PRSS54: variants seen among roughly 807,000 people sequenced by gnomAD.
The protein encoded by PRSS54 is serine protease 54.
A neutral mutation model predicts 19.9 loss-of-function variants in PRSS54; 16 were observed. That is an observed-to-expected ratio of 0.80 (90% CI 0.54 to 1.22). The LOEUF is 1.22. Among genes scored for constraint, PRSS54 ranks in the 50% most tolerant of loss-of-function variants. PRSS54 has a pLI of 0.00. For missense variants in PRSS54, 444 were observed against 494.8 expected (o/e 0.90, Z 0.97); for synonymous variants, 177 against 195.8 (o/e 0.90, Z 0.80).
At chr16:58,285,867 A>G in intron 5 of PRSS54, 70 bp downstream of exon 5, 1 of 1,569,280 alleles carries the variant, frequency 6.4e-7, no homozygotes, top group Non-Finnish European at 8.7e-7. Flanking sequence ...TAGGCCCTAG[A>G]TTGGATTATC....
At position 58,284,700 on chromosome 16, in the gene PRSS54, T is replaced by C. The variant is rs3815803; in HGVS notation, c.544A>G (p.Ser182Gly). The change falls in exon 6 of 7, where the codon AGT becomes GGT. Residue 182 changes from serine (S) to glycine (G), a missense_variant. Coordinates refer to ENST00000567164, the MANE Select transcript of PRSS54 (RefSeq NM_001305173.2). Reference sequence around the variant, plus strand: ...TTCACGAAGATTTTCCTCAGGACACTCATCGTCATGTGATTTCCTGTCTGG... The same window carrying C: ...TTCACGAAGATTTTCCTCAGGACACCCATCGTCATGTGATTTCCTGTCTGG... ...TSATGNHMTM[S>G]VLRKIFVKDL... 0.55 allele frequency: 886,509 copies of C among 1,613,478 alleles called. 247,935 individuals carry two copies. Among genetic ancestry groups the C allele is most frequent in the African/African-American group, 0.75 (55,896 of 74,958 alleles).
chr16:58,287,989 T>A (rs566983279), intron 4 of PRSS54, among the ~76,000 whole-genome samples: 6 of 152,364 alleles, frequency 3.9e-5, no homozygotes, highest in African/African-American at 1.4e-4. Flanking sequence ...ATGAACTTTT[T>A]AATTTACCTG....
At chr16:58,286,430 A>G (rs956258918) in intron 4 of PRSS54, among the ~76,000 whole-genome samples, 1 of 151,476 alleles carries the variant, frequency 6.6e-6, no homozygotes, top group African/African-American at 2.4e-5. Context: ...TCTTAACACC[A>G]TTTGCCCCAC....
In PRSS54 at chr16:58,293,777, G is replaced by T; in HGVS notation, c.40C>A (p.Arg14=). ...AAGLSGDGKM[R]GVLLVLLGLL... ...CCGAGCAGCACCAGGAGCACCCCTC[G>T]CATCTTGCCATCCCCAGAGAGACCC... The change falls in exon 3 of 7, where the codon CGA becomes AGA. Residue 14 remains arginine (R), a synonymous_variant. Coordinates refer to ENST00000567164, the MANE Select transcript of PRSS54 (RefSeq NM_001305173.2). 6.2e-7 allele frequency: 1 copy of T among 1,613,192 alleles called. No homozygotes were observed. Among genetic ancestry groups the T allele is most frequent in the Non-Finnish European group, 8.5e-7 (1 of 1,179,678 alleles).
rs1567511120 is a variant in PRSS54 at position 58,280,695 on chromosome 16, T to C, written c.717A>G (p.Gly239=). Residue 239 remains glycine, a synonymous_variant, in exon 7 of 7, where the codon GGA becomes GGG. Transcript: ENST00000567164. ...LQQFDLWVLR[G]VLNFGGETCP... is the part of the protein sequence containing the mutation. ...ACGTCTCACCACCGAAGTTCAGGAC[T>C]CCTCTCAGAACCCACAGATCGAACT... The C allele has an allele frequency of 1.2e-6, 2 of 1,614,152 alleles. No individual in the cohort carries two copies. The highest frequency in any genetic ancestry group is 1.7e-6 in the Non-Finnish European group (2 of 1,180,000).
intron 3 of PRSS54, 56 bp from the exon 4 acceptor site, chr16:58,291,192 C>A: frequency 6.6e-7 from 1 of 1,515,898 alleles, no homozygotes; most frequent in Non-Finnish European, 9.0e-7. Flanking sequence ...AGGACCCTCT[C>A]TCCTGTGGGC....
Position 58,294,201 on chromosome 16 carries a change from C to A in PRSS54, c.-223G>T. 1 of 215,110 alleles carries A rather than the reference C, an allele frequency of 4.6e-6. No individual in the cohort carries two copies. Among genetic ancestry groups the A allele is most frequent in the Non-Finnish European group, 9.5e-6 (1 of 105,782 alleles). 13.3% of individuals were successfully genotyped at this position (215,110 alleles called of 1,614,324 possible). ...TCAACCCTTGCCTTAACTCTGTAGC[C>A]ATAAAATGCTGCTGAAAGAAAAGTA... is the stretch of plus-strand genomic sequence containing the variant. On this transcript the variant is annotated 5_prime_UTR_variant, in exon 2 of 7. An upstream start codon of the reference 5' UTR is lost. Transcript: ENST00000567164.
At chr16:58,285,892 T>C in intron 5 of PRSS54, 45 bp downstream of exon 5, 1 of 1,607,710 alleles carries the variant, frequency 6.2e-7, no homozygotes, top group Non-Finnish European at 8.5e-7. Context: ...TCACCCCCAC[T>C]GCCAGCACAC....
chr16:58,280,321 C>T lies in PRSS54; in HGVS notation c.1091G>A (p.Gly364Glu), dbSNP rs772450538. 3.1e-6 allele frequency: 5 copies of T among 1,614,048 alleles called. No individual in the cohort carries two copies. The highest frequency in any genetic ancestry group is 2.7e-5 in the African/African-American group (2 of 74,924). The change falls in exon 7 of 7, where the codon GGG (glycine) becomes GAG (glutamate). Residue 364 changes from glycine (G) to glutamate (E), a missense_variant. Physicochemically the swap from Gly to Glu is moderately conservative, Grantham distance 98. Transcript: ENST00000567164. ...CTGACCTGCAAAAATCCTACCTTCC[C>T]CCACCTCCCCACCGTAATAGTCATA... Reference protein sequence around the residue: ...LYYDYYGGEVGEGRIFAGQNR... With the variant: ...LYYDYYGGEVEEGRIFAGQNR...
chr16:58,289,808 C>T (rs1964997593), intron 4 of PRSS54, among the ~76,000 whole-genome samples: 1 of 151,982 alleles, frequency 6.6e-6, no homozygotes. Flanking sequence ...AACTCCTGAC[C>T]TCAAGTGATC....
chr16:58,286,246 C>T (rs1294294438), intron 4 of PRSS54, 51 bp from the exon 5 acceptor site: 11 of 1,592,850 alleles, frequency 6.9e-6, no homozygotes, highest in Non-Finnish European at 9.5e-6. Context: ...AAGGAAGCTT[C>T]ACGCTTCCCT....
rs541944968 is a variant in PRSS54 at position 58,293,773 on chromosome 16, C to G, written c.44G>C (p.Gly15Ala). 3 of 1,613,424 alleles carry G rather than the reference C, an allele frequency of 1.9e-6. No homozygotes were observed. Among genetic ancestry groups the G allele is most frequent in the Non-Finnish European group, 2.5e-6 (3 of 1,179,796 alleles). ...AGLSGDGKMR[G>A]VLLVLLGLLY... The stretch of plus-strand genomic sequence containing the variant: ...AAGGCCGAGCAGCACCAGGAGCACC[C>G]CTCGCATCTTGCCATCCCCAGAGAG... Residue 15 changes from glycine to alanine, a missense_variant, in exon 3 of 7, where the codon GGG becomes GCG. By Grantham distance (60) the Gly-to-Ala change is moderately conservative. Transcript: ENST00000567164.
intron 5 of PRSS54, 55 bp from the exon 6 acceptor site, chr16:58,284,776 GT>G: frequency 6.2e-7 from 1 of 1,602,072 alleles, no homozygotes; most frequent in Admixed American, 1.7e-5. Flanking sequence ...AGTCCCCTAT[GT>G]CAACACAACT....
chr16:58,286,170 T>C lies in PRSS54; in HGVS notation c.289A>G (p.Ile97Val). The change falls in exon 5 of 7, where the codon ATA becomes GTA. Residue 97 changes from isoleucine to valine, a missense_variant. Physicochemically the swap from Ile to Val is conservative, Grantham distance 29. Coordinates refer to ENST00000567164, the MANE Select transcript of PRSS54 (RefSeq NM_001305173.2). ...ATCTTGCTAGGATCCATGTTACTTA[T>C]ACCCACTATAACGACAATGTCCTTC... ...NRKDIVVIVG[I>V]SNMDPSKIAH... 1 of 1,614,160 alleles carries C rather than the reference T, an allele frequency of 6.2e-7. No homozygotes were observed. The highest frequency in any genetic ancestry group is 8.5e-7 in the Non-Finnish European group (1 of 1,179,976).
At chr16:58,292,810 C>G (rs1965064628) in intron 3 of PRSS54, among the ~76,000 whole-genome samples, 1 of 152,170 alleles carries the variant, frequency 6.6e-6, no homozygotes, top group South Asian at 2.1e-4. Context: ...TTTCAAAGCT[C>G]TAGTTGGCTA....
intron 5 of PRSS54, 33 bp downstream of exon 5, chr16:58,285,904 C>A (rs558151130): frequency 1.2e-6 from 2 of 1,610,650 alleles, no homozygotes; most frequent in African/African-American, 1.3e-5. Flanking sequence ...CCAGCACACA[C>A]GCAGCCTTCT....
rs1204066258 is a variant in PRSS54 at position 58,291,151 on chromosome 16, C to A, written c.86-15G>T. The A allele has an allele frequency of 2.5e-6, 4 of 1,611,164 alleles. No homozygotes were observed. The East Asian group carries it at 6.7e-5, about 27-fold the overall frequency. On this transcript the variant is annotated splice_polypyrimidine_tract_variant and intron_variant, in intron 3 of 6. Transcript: ENST00000567164. ...GACGCCACAACCTGCGGAGCAGGTG[C>A]GGGGCCTCACTGCCGGGGCAAGGAG...
intron 4 of PRSS54, among the ~76,000 whole-genome samples, chr16:58,289,873 G>C (rs983402631): frequency 1.1e-4 from 16 of 151,750 alleles, no homozygotes; most frequent in Admixed American, 1.1e-3. Context: ...CACTGCACCC[G>C]GCTACACATG....
chr16:58,284,658 G>A lies in PRSS54; in HGVS notation c.586C>T (p.Pro196Ser). The A allele has an allele frequency of 6.2e-7, 1 of 1,613,944 alleles. No homozygotes were observed. ...TCTGTCTTCTGGAGTTTGTATAGGG[G>A]ACACATGTCAAGATCTTTCACGAAG... ...KIFVKDLDMC[P>S]LYKLQKTECG... The change falls in exon 6 of 7, where the codon CCC (proline) becomes TCC (serine). Residue 196 changes from proline to serine, a missense_variant. Coordinates refer to ENST00000567164, the MANE Select transcript of PRSS54 (RefSeq NM_001305173.2).
Sources: allele counts gnomAD v4.1 joint callset (sites outside exome capture counted in the v4.1 genomes callset), GRCh38; gene constraint gnomAD v4.1.1; transcripts MANE v1.5; gene names NCBI Gene and HGNC (gene_info 2026-07-23, HGNC 2026-07-21).